Variants in CCAR1 observed in about 807,000 individuals in gnomAD.
CCAR1 encodes cell division cycle and apoptosis regulator protein 1.
Under a neutral mutation model 163.8 loss-of-function variants are expected in CCAR1, and 78 were observed. The observed-to-expected ratio is 0.48, with a 90% CI of 0.40 to 0.57. The LOEUF (loss-of-function observed/expected upper bound fraction) is 0.57, where lower values mean the gene tolerates loss of function less well. Among genes scored for constraint, CCAR1 ranks in the 20% least tolerant of loss-of-function variants. CCAR1 has a pLI of 0.00. For missense variants in CCAR1, 1,019 were observed against 1,365.2 expected, an observed-to-expected ratio of 0.75 and a Z score of 4.00; for synonymous variants, 443 against 460.7, an observed-to-expected ratio of 0.96 and a Z score of 0.49.
intron 4 of CCAR1, among the ~76,000 whole-genome samples, chr10:68,740,323 A>C (rs1275317300): frequency 6.6e-6 from 1 of 152,196 alleles, no homozygotes; most frequent in Non-Finnish European, 1.5e-5. Flanking sequence ...AGTTTTTAGA[A>C]ACAGTTGTAG....
chr10:68,777,968 C>T (rs1343612819), intron 19 of CCAR1, among the ~76,000 whole-genome samples: 1 of 152,078 alleles, frequency 6.6e-6, no homozygotes, highest in African/African-American at 2.4e-5. Context: ...TGCCTGTAAT[C>T]CCAGTACTTT....
At chr10:68,739,078 T>G (rs899173045) in intron 4 of CCAR1, among the ~76,000 whole-genome samples, 1 of 152,228 alleles carries the variant, frequency 6.6e-6, no homozygotes, top group Non-Finnish European at 1.5e-5. Context: ...CTCTAGGAAC[T>G]GTCAAGGAAA....
intron 16 of CCAR1, among the ~76,000 whole-genome samples, chr10:68,761,771 T>C (rs1311842508): frequency 6.6e-6 from 1 of 151,820 alleles, no homozygotes. Flanking sequence ...CCTGGCTAAT[T>C]TTGTGTTTTT....
At chr10:68,769,131 C>G (rs1272417437) in intron 17 of CCAR1, among the ~76,000 whole-genome samples, 1 of 152,162 alleles carries the variant, frequency 6.6e-6, no homozygotes, top group Non-Finnish European at 1.5e-5. Context: ...CGTGTGCCTA[C>G]ACACCCAGCT....
chr10:68,752,380 GATTT>G (rs1433366793), intron 10 of CCAR1, among the ~76,000 whole-genome samples: 1 of 152,116 alleles, frequency 6.6e-6, no homozygotes, highest in African/African-American at 2.4e-5. Flanking sequence ...CCCATGAAAT[GATTT>G]ATTTGTACTT....
chr10:68,781,883 C>T (rs1053850730), intron 19 of CCAR1, among the ~76,000 whole-genome samples: 2 of 151,952 alleles, frequency 1.3e-5, no homozygotes, highest in Non-Finnish European at 2.9e-5. Flanking sequence ...AAGAAAAAAC[C>T]CAAAATGGCC....
At chr10:68,749,798 T>A in intron 10 of CCAR1, 113 bp downstream of exon 10, 1 of 874,914 alleles carries the variant, frequency 1.1e-6, no homozygotes, top group South Asian at 1.8e-5. Context: ...GTTAGTGTTC[T>A]TCATATAAGG....
chr10:68,764,458 CAGG>C (rs1453478813), intron 16 of CCAR1, among the ~76,000 whole-genome samples: 1 of 151,924 alleles, frequency 6.6e-6, no homozygotes, highest in Non-Finnish European at 1.5e-5. Flanking sequence ...TGCTTGAACC[CAGG>C]AGGTCAACGC....
rs7898773 is a variant in CCAR1 at position 68,791,291 on chromosome 10, T to C, written c.*25T>C. ...ATAAAATCCATGTAGTGATGAGGAA[T>C]GGTGTTAAATAATGTAATATATAAA... On this transcript the variant is annotated 3_prime_UTR_variant, in exon 25 of 25. Transcript: ENST00000265872. 5.2e-4 allele frequency: 764 copies of C among 1,478,130 alleles called. 4 individuals carry two copies. In the African/African-American group the frequency reaches 9.4e-3, roughly 18 times the overall value. 91.6% of individuals were successfully genotyped at this position (1,478,130 alleles called of 1,614,324 possible).
chr10:68,747,143 T>G lies in CCAR1; in HGVS notation c.519-18T>G, dbSNP rs1295573523. 7.5e-7 allele frequency: 1 copy of G among 1,341,894 alleles called. No homozygotes were observed. Among genetic ancestry groups the G allele is most frequent in the Non-Finnish European group, 1.0e-6 (1 of 968,546 alleles). The allele number at this position is 1,341,894 out of a possible 1,614,324, so 83.1% of individuals were successfully genotyped here. A position where few individuals can be genotyped will look rare whatever the true frequency, so the allele number is the denominator to read the frequency against. On this transcript the variant is annotated intron_variant, in intron 6 of 24. Transcript: ENST00000265872. ...ATTGTATTTATATTTAACTTTTTTT[T>G]TCTTTTTTTTTTTACAGTGCTGTCA...
At chr10:68,747,110 C>G (rs762192589) in intron 6 of CCAR1, 51 bp from the exon 7 acceptor site, 1 of 909,648 alleles carries the variant, frequency 1.1e-6, no homozygotes, top group Non-Finnish European at 1.7e-6. Flanking sequence ...GGGGAGAAAT[C>G]TATTTTAATT....
At chr10:68,774,806 G>A in intron 19 of CCAR1, 1 of 314,226 alleles carries the variant, frequency 3.2e-6, no homozygotes, top group South Asian at 2.7e-5. Flanking sequence ...TAGATGCTCT[G>A]ACCGTAGACA....
intron 2 of CCAR1, among the ~76,000 whole-genome samples, chr10:68,731,593 T>G (rs2056039445): frequency 3.7e-4 from 4 of 10,826 alleles, no homozygotes; most frequent in African/African-American, 1.7e-3. Flanking sequence ...TTGTTTCTGT[T>G]TTTTTTTTTT....
rs775200198 is a variant in CCAR1, at chr10:68,749,585, C to T, written c.1018C>T (p.Arg340Trp). The T allele has an allele frequency of 7.4e-6, 12 of 1,613,844 alleles. No individual in the cohort carries two copies. The highest frequency in any genetic ancestry group is 1.1e-5 in the South Asian group (1 of 91,070). ...AAGATCACCTCAGAGGAAACGTTCC[C>T]GGGAAAGATCTCCACGAAGAGAGCG... is the stretch of plus-strand genomic sequence containing the variant. ...RERSPQRKRS[R>W]ERSPRRERER... The change falls in exon 10 of 25, where the codon CGG becomes TGG. Residue 340 changes from arginine to tryptophan, a missense_variant. Physicochemically the swap from Arg to Trp is moderately radical, Grantham distance 101. Transcript: ENST00000265872.
intron 19 of CCAR1, among the ~76,000 whole-genome samples, chr10:68,781,069 T>C (rs1589191358): frequency 6.6e-6 from 1 of 151,850 alleles, no homozygotes; most frequent in South Asian, 2.1e-4. Flanking sequence ...CTGTCTCTAC[T>C]AAAAATACAC....
intron 18 of CCAR1, among the ~76,000 whole-genome samples, chr10:68,772,194 A>AT (rs1297216770): frequency 6.6e-6 from 1 of 152,068 alleles, no homozygotes; most frequent in Non-Finnish European, 1.5e-5. Context: ...ATTATTATAC[A>AT]TTTATAGTAT....
At chr10:68,773,332 C>G (rs1400424017) in intron 19 of CCAR1, among the ~76,000 whole-genome samples, 1 of 151,980 alleles carries the variant, frequency 6.6e-6, no homozygotes, top group Non-Finnish European at 1.5e-5. Flanking sequence ...TTTGGCGGAA[C>G]AAATTTCCCG....
chr10:68,736,289 T>C (rs1295481867), intron 2 of CCAR1, among the ~76,000 whole-genome samples: 2 of 152,156 alleles, frequency 1.3e-5, no homozygotes, highest in Non-Finnish European at 1.5e-5. Context: ...ATATATGTCA[T>C]GGAATGGCTA....
intron 16 of CCAR1, among the ~76,000 whole-genome samples, chr10:68,765,580 A>G (rs749788838): frequency 5.9e-5 from 9 of 152,112 alleles, no homozygotes; most frequent in South Asian, 2.1e-4. Flanking sequence ...CTATGCTACC[A>G]CTACTATTTT....
Sources: allele counts gnomAD v4.1 joint callset (sites outside exome capture counted in the v4.1 genomes callset), GRCh38; gene constraint gnomAD v4.1.1; transcripts MANE v1.5; gene names NCBI Gene and HGNC (gene_info 2026-07-23, HGNC 2026-07-21).